Variants in CAT observed in about 807,000 individuals in gnomAD.
The protein encoded by CAT is epididymis secretory sperm binding protein.
A neutral mutation model predicts 59.0 loss-of-function variants in CAT; 43 were observed. That is an observed-to-expected ratio of 0.73 (90% CI 0.57 to 0.94). The LOEUF is 0.94. Ranked by LOEUF, CAT falls within the 40% of genes least tolerant of loss-of-function variation. The pLI is 0.00. For synonymous variants in CAT, 218 were observed against 230.9 expected, an observed-to-expected ratio of 0.94 and a Z score of 0.51; for missense variants, 664 against 682.9, an observed-to-expected ratio of 0.97 and a Z score of 0.31.
At chr11:34,440,299 CT>C (rs1856373515) in intron 1 of CAT, among the ~76,000 whole-genome samples, 1 of 152,148 alleles carries the variant, frequency 6.6e-6, no homozygotes, top group Non-Finnish European at 1.5e-5. Context: ...TGGCCCTGTT[CT>C]TTGTTATATA....
At chr11:34,468,446 G>A (rs1564967597) in intron 11 of CAT, 51 bp downstream of exon 11, 2 of 1,261,250 alleles carry the variant, frequency 1.6e-6, no homozygotes, top group South Asian at 2.4e-5. Flanking sequence ...GGAAGACAGT[G>A]CAGCTGTGTG....
At chr11:34,455,976 A>G in intron 6 of CAT, 35 bp from the exon 7 acceptor site, 3 of 1,588,280 alleles carry the variant, frequency 1.9e-6, no homozygotes, top group Non-Finnish European at 2.6e-6. Context: ...TTTGACAATA[A>G]GTTTCCATTG....
chr11:34,446,634 C>T (rs1856458539), intron 1 of CAT, among the ~76,000 whole-genome samples: 1 of 152,204 alleles, frequency 6.6e-6, no homozygotes, highest in African/African-American at 2.4e-5. Context: ...GCAGCTCCCT[C>T]CCCACGTTAA....
chr11:34,453,676 A>T, intron 5 of CAT, 125 bp from the exon 6 acceptor site: 1 of 839,182 alleles, frequency 1.2e-6, no homozygotes. Flanking sequence ...AACCCTTCCC[A>T]TGGGAAATTG....
chr11:34,443,994 C>T (rs1856421840), intron 1 of CAT, among the ~76,000 whole-genome samples: 2 of 152,174 alleles, frequency 1.3e-5, no homozygotes, highest in Non-Finnish European at 2.9e-5. Context: ...TTTAAGGTTT[C>T]ATTTCTTTTT....
intron 7 of CAT, 23 bp from the exon 8 acceptor site, chr11:34,456,642 T>A: frequency 6.2e-7 from 1 of 1,611,178 alleles, no homozygotes; most frequent in Non-Finnish European, 8.5e-7. Context: ...GCCTGGTAAT[T>A]GTGAATATGA....
chr11:34,455,417 G>T (rs752505557), intron 6 of CAT, among the ~76,000 whole-genome samples: 9 of 151,852 alleles, frequency 5.9e-5, no homozygotes, highest in Admixed American at 1.3e-4. Context: ...GGGTTTTAAT[G>T]TCTTGCTTGG....
chr11:34,471,180 T>A lies in CAT; in HGVS notation c.1518+139T>A, dbSNP rs1856768908. 3.3e-6 allele frequency: 3 copies of A among 921,422 alleles called. No individual in the cohort carries two copies. The East Asian group carries it at 7.5e-5, about 23-fold the overall frequency. 57.1% of individuals were successfully genotyped at this position (921,422 alleles called of 1,614,324 possible). A position where few individuals can be genotyped will look rare whatever the true frequency, so the allele number is the denominator to read the frequency against. ...GATTTCTTAGGCAGCTGTGCAGAAATTCATTTGAGAGATAAAGAATTCACT... is the reference window on the plus strand; with the variant it reads ...GATTTCTTAGGCAGCTGTGCAGAAAATCATTTGAGAGATAAAGAATTCACT... On this transcript the variant is annotated intron_variant, in intron 12 of 12. Coordinates refer to ENST00000241052, the MANE Select transcript of CAT (RefSeq NM_001752.4).
intron 1 of CAT, among the ~76,000 whole-genome samples, chr11:34,446,005 C>G (rs980357828): frequency 1.3e-5 from 2 of 152,124 alleles, no homozygotes; most frequent in Non-Finnish European, 2.9e-5. Context: ...TCTAGCCCCA[C>G]CCTCTCATTT....
chr11:34,464,325 C>G, intron 10 of CAT, 90 bp downstream of exon 10: 6 of 1,249,838 alleles, frequency 4.8e-6, no homozygotes, highest in Non-Finnish European at 7.0e-6. Context: ...AATGCCCCAA[C>G]TGTCTGATGT....
In CAT at chr11:34,439,000, G is replaced by A; in HGVS notation, c.-14G>A. The stretch of plus-strand genomic sequence containing the variant: ...GAGGCCTCCTGCAGTGTTCTGCACA[G>A]CAAACCGCACGCTATGGCTGACAGC... On this transcript the variant is annotated 5_prime_UTR_variant, in exon 1 of 13. Coordinates refer to ENST00000241052, the MANE Select transcript of CAT (RefSeq NM_001752.4). 6.3e-7 allele frequency: 1 copy of A among 1,583,046 alleles called. No individual in the cohort carries two copies. Among genetic ancestry groups the A allele is most frequent in the Non-Finnish European group, 8.6e-7 (1 of 1,164,390 alleles).
chr11:34,439,517 TTG>T (rs1310446286), intron 1 of CAT, among the ~76,000 whole-genome samples: 2 of 152,130 alleles, frequency 1.3e-5, no homozygotes, highest in African/African-American at 4.8e-5. Flanking sequence ...AGGGCAGGGA[TTG>T]TGTTTTACAA....
At chr11:34,451,567 C>A (rs1331482447) in intron 3 of CAT, among the ~76,000 whole-genome samples, 1 of 152,130 alleles carries the variant, frequency 6.6e-6, no homozygotes, top group Non-Finnish European at 1.5e-5. Flanking sequence ...AGTATTAGAT[C>A]TATCATACTA....
intron 2 of CAT, among the ~76,000 whole-genome samples, chr11:34,450,201 T>G (rs1205470606): frequency 6.6e-6 from 1 of 152,176 alleles, no homozygotes; most frequent in Non-Finnish European, 1.5e-5. Flanking sequence ...AATACAGACA[T>G]AGACACATGC....
chr11:34,467,681 C>T (rs777781032), intron 10 of CAT, among the ~76,000 whole-genome samples: 17 of 152,040 alleles, frequency 1.1e-4, no homozygotes, highest in African/African-American at 2.7e-4. Context: ...AGAGGCTGCT[C>T]GGATTCACAT....
rs140390355 is a variant in CAT at position 34,453,164 on chromosome 11, C to T, written c.555C>T (p.Phe185=). The stretch of plus-strand genomic sequence containing the variant: ...AGGATCCGGACATGGTCTGGGACTT[C>T]TGGAGCCTACGTCCTGAGTCTCTGC... ...HLKDPDMVWD[F]WSLRPESLHQ... Residue 185 remains phenylalanine, a synonymous_variant, in exon 5 of 13, where the codon TTC becomes TTT. Coordinates refer to ENST00000241052, the MANE Select transcript of CAT (RefSeq NM_001752.4). 1.2e-4 allele frequency: 194 copies of T among 1,612,802 alleles called. No individual in the cohort carries two copies. In the African/African-American group the frequency reaches 2.3e-3, roughly 19 times the overall value.
intron 2 of CAT, 46 bp from the exon 3 acceptor site, chr11:34,450,942 C>CGA (rs760550997): frequency 2.3e-6 from 3 of 1,284,906 alleles, no homozygotes; most frequent in Non-Finnish European, 3.4e-6. Context: ...ACCTGAATGT[C>CGA]TGAGTAATGG....
chr11:34,469,100 A>T lies in CAT; in HGVS notation c.1434+705A>T, dbSNP rs566979. 5.5e-3 allele frequency among the ~76,000 whole-genome samples: 844 copies of T among 152,110 alleles called. 16 individuals are homozygous for T. Among genetic ancestry groups the T allele is most frequent in the Admixed American group, 0.044 (666 of 15,290 alleles). ...TTTCTGATGGCCGCTCATCGAGCTG[A>T]GTGAAGCCCTCTCACTTCTGGTTTC... On this transcript the variant is annotated intron_variant, in intron 11 of 12. Coordinates refer to ENST00000241052, the MANE Select transcript of CAT (RefSeq NM_001752.4).
chr11:34,452,995 A>C, intron 4 of CAT, 95 bp from the exon 5 acceptor site: 2 of 781,902 alleles, frequency 2.6e-6, no homozygotes, highest in Non-Finnish European at 4.5e-6. Context: ...TTAGAATTAT[A>C]ATCCATAAAC....
Sources: gnomAD v4.1 joint callset for allele counts (sites outside exome capture counted in the v4.1 genomes callset) on GRCh38, gnomAD v4.1.1 for gene constraint, MANE v1.5 for transcripts, NCBI Gene and HGNC (gene_info 2026-07-23, HGNC 2026-07-21) for gene names.